AGBL1: variants seen among roughly 807,000 people sequenced by gnomAD.
AGBL1 encodes the protein AGBL carboxypeptidase 1, also known as cytosolic carboxypeptidase 4.
A neutral mutation model predicts 118.9 loss-of-function variants in AGBL1; 130 were observed. The observed-to-expected ratio is 1.09, with a 90% CI of 0.95 to 1.26. The LOEUF is 1.26. Among genes scored for constraint, AGBL1 ranks in the 50% most tolerant of loss-of-function variants. The pLI is 0.00. For synonymous variants in AGBL1, 555 were observed against 478.9 expected (o/e 1.16, Z -2.08); for missense variants, 1,584 against 1,298.1 (o/e 1.22, Z -3.38).
At chr15:86,630,004 C>T (rs2084940343) in intron 21 of AGBL1, among the ~76,000 whole-genome samples, 1 of 152,200 alleles carries the variant, frequency 6.6e-6, no homozygotes, top group Non-Finnish European at 1.5e-5. Flanking sequence ...ATTGCAATTG[C>T]AGATACATTG....
At position 86,143,837 on chromosome 15, in the gene AGBL1, G is replaced by A. The variant is rs766761428; in HGVS notation, c.254G>A (p.Gly85Asp). The A allele has an allele frequency of 6.2e-6, 10 of 1,613,626 alleles. No homozygotes were observed. The highest frequency in any genetic ancestry group is 8.5e-6 in the Non-Finnish European group (10 of 1,179,718). Reference protein sequence around the residue: ...LPLFRLLAKVGLRDKKIGRKA... With the variant: ...LPLFRLLAKVDLRDKKIGRKA... ...CTCTTCCGGCTGCTGGCCAAAGTTG[G>A]CCTAAGAGGTACTCGTACTCCAAGA... is the stretch of plus-strand genomic sequence containing the variant. The change falls in exon 3 of 23, where the codon GGC becomes GAC. Residue 85 changes from glycine to aspartate, a missense_variant. Physicochemically the swap from Gly to Asp is moderately conservative, Grantham distance 94 (BLOSUM62 -1). Coordinates refer to ENST00000614907, the MANE Select transcript of AGBL1 (RefSeq NM_001386094.1).
intron 21 of AGBL1, among the ~76,000 whole-genome samples, chr15:86,649,969 A>G (rs941606011): frequency 1.3e-5 from 2 of 152,242 alleles, no homozygotes; most frequent in South Asian, 4.1e-4. Context: ...GGCCCATGCC[A>G]TATGTCTGAC....
At chr15:86,583,910 AT>A (rs1171057856) in intron 21 of AGBL1, among the ~76,000 whole-genome samples, 5 of 152,174 alleles carry the variant, frequency 3.3e-5, no homozygotes, top group African/African-American at 9.6e-5. Flanking sequence ...GTATTTCATT[AT>A]GGTTTTGATT....
At chr15:86,130,154 C>A (rs539552481) in intron 1 of AGBL1, among the ~76,000 whole-genome samples, 1 of 152,208 alleles carries the variant, frequency 6.6e-6, no homozygotes, top group Non-Finnish European at 1.5e-5. Context: ...ATGAGGGACA[C>A]CTTTAGAAGA....
intron 22 of AGBL1, among the ~76,000 whole-genome samples, chr15:86,708,241 A>G (rs1053797404): frequency 6.6e-6 from 1 of 152,102 alleles, no homozygotes; most frequent in Non-Finnish European, 1.5e-5. Flanking sequence ...TAGGGTCTTA[A>G]GGGAAGTAAC....
At chr15:86,710,444 A>G (rs1374215072) in intron 22 of AGBL1, among the ~76,000 whole-genome samples, 3 of 152,192 alleles carry the variant, frequency 2.0e-5, no homozygotes, top group Non-Finnish European at 4.4e-5. Flanking sequence ...ATTATTTCCA[A>G]TGGAAAGATA....
At chr15:86,548,716 A>T (rs2142258805) in intron 20 of AGBL1, among the ~76,000 whole-genome samples, 1 of 151,854 alleles carries the variant, frequency 6.6e-6, no homozygotes. Context: ...TTTACAAGGG[A>T]GACCTTAGAA....
At chr15:86,927,199 G>A (rs1034743129) in intron 23 of AGBL1, among the ~76,000 whole-genome samples, 6 of 151,926 alleles carry the variant, frequency 3.9e-5, no homozygotes, top group African/African-American at 1.5e-4. Flanking sequence ...TCCACTCTAG[G>A]AATCCTGCTT....
intron 22 of AGBL1, among the ~76,000 whole-genome samples, chr15:86,684,463 C>CTTTTTTTTTTTTTTTTTTTTTTTTT (rs11436174): frequency 2.1e-5 from 3 of 145,998 alleles, no homozygotes; most frequent in African/African-American, 2.5e-5. Context: ...ATAGTTCTCT[C>CTTTTTTTTTTTTTTTTTTTTTTTTT]TTTTTTTTTT....
In AGBL1 at chr15:86,120,723, A is replaced by T. The variant is rs186978450; in HGVS notation, c.52-21281A>T. On this transcript the variant is annotated intron_variant, in intron 1 of 22. Transcript: ENST00000614907. ...TTCTCAATAAAGGTATTTTGGTTCA[A>T]TGCAAAAATGAGTAAAATATAAGAC... Among the ~76,000 whole-genome samples the T allele has an allele frequency of 4.6e-5, 7 of 152,288 alleles. No homozygotes were observed. The East Asian group carries it at 1.4e-3, about 29-fold the overall frequency.
intron 22 of AGBL1, among the ~76,000 whole-genome samples, chr15:86,762,128 A>G (rs1172601971): frequency 3.3e-5 from 5 of 152,106 alleles, no homozygotes; most frequent in African/African-American, 1.2e-4. Flanking sequence ...ACAGAAAACC[A>G]AACACTGCAT....
chr15:86,816,983 G>A (rs961653938), intron 22 of AGBL1, among the ~76,000 whole-genome samples: 30 of 151,996 alleles, frequency 2.0e-4, no homozygotes, highest in African/African-American at 6.8e-4. Flanking sequence ...CCATAAACAG[G>A]GAGTAGCTGA....
chr15:86,126,505 G>C (rs990171121), intron 1 of AGBL1, among the ~76,000 whole-genome samples: 1 of 152,190 alleles, frequency 6.6e-6, no homozygotes, highest in African/African-American at 2.4e-5. Context: ...ATAGATGGTA[G>C]AGTCTATATG....
chr15:86,236,493 G>A (rs1226467436), intron 6 of AGBL1, among the ~76,000 whole-genome samples: 1 of 152,112 alleles, frequency 6.6e-6, no homozygotes, highest in Non-Finnish European at 1.5e-5. Context: ...GGAGAGGATG[G>A]ACATATCGAG....
chr15:86,878,737 G>A (rs917956475), intron 22 of AGBL1, among the ~76,000 whole-genome samples: 1 of 152,150 alleles, frequency 6.6e-6, no homozygotes, highest in Non-Finnish European at 1.5e-5. Context: ...TAGGCAGTAG[G>A]TGCTCGTTCA....
At chr15:86,884,469 T>A (rs1408920021) in intron 22 of AGBL1, among the ~76,000 whole-genome samples, 2 of 152,212 alleles carry the variant, frequency 1.3e-5, no homozygotes, top group African/African-American at 4.8e-5. Context: ...CCCTGGAAAG[T>A]GAAACTGTAG....
intron 5 of AGBL1, chr15:86,173,130 G>A (rs184257042): frequency 7.9e-5 from 12 of 151,918 alleles, no homozygotes; most frequent in Middle Eastern, 3.4e-3. Context: ...TCATATATCT[G>A]TTGGCCACCT....
chr15:86,810,175 G>A (rs368501005), intron 22 of AGBL1, among the ~76,000 whole-genome samples: 3 of 152,088 alleles, frequency 2.0e-5, no homozygotes, highest in Non-Finnish European at 4.4e-5. Flanking sequence ...TCGGGACTAA[G>A]TAGATTCTTA....
At chr15:86,215,195 C>CTGTG (rs1203587529) in intron 5 of AGBL1, among the ~76,000 whole-genome samples, 1 of 146,530 alleles carries the variant, frequency 6.8e-6, no homozygotes, top group Admixed American at 6.8e-5. Flanking sequence ...TCACCTGGCT[C>CTGTG]TGTGTGTGTG....
Sources: allele counts gnomAD v4.1 joint callset (sites outside exome capture counted in the v4.1 genomes callset), GRCh38; gene constraint gnomAD v4.1.1; transcripts MANE v1.5; gene names NCBI Gene and HGNC (gene_info 2026-07-23, HGNC 2026-07-21).